EYS: variants seen among roughly 807,000 people sequenced by gnomAD.
EYS encodes the protein EGF-like photoreceptor maintenance factor.
In EYS, 250 loss-of-function variants were observed where a neutral mutation model predicts 282.1. That is an observed-to-expected ratio of 0.89 (90% CI 0.80 to 0.98). The LOEUF (loss-of-function observed/expected upper bound fraction) is 0.98, where lower values mean the gene tolerates loss of function less well. Among genes scored for constraint, EYS ranks in the 50% least tolerant of loss-of-function variants. The pLI is 0.00. For synonymous variants in EYS, 1,355 were observed against 1,282.9 expected (o/e 1.06, Z -1.20); for missense variants, 4,016 against 3,709.0 (o/e 1.08, Z -2.15).
At chr6:64,765,304 C>T (rs909391054) in intron 22 of EYS, among the ~76,000 whole-genome samples, 3 of 152,094 alleles carry the variant, frequency 2.0e-5, no homozygotes, top group Non-Finnish European at 4.4e-5. Context: ...CTGAGAACAC[C>T]TTAGTCTGGA....
rs185439743 is a variant in EYS at position 65,211,693 on chromosome 6, G to T, written c.2023+84170C>A. Among the ~76,000 whole-genome samples the T allele has an allele frequency of 1.6e-3, 240 of 151,966 alleles. 2 individuals carry two copies. Among genetic ancestry groups the T allele is most frequent in the African/African-American group, 5.3e-3 (220 of 41,486 alleles). On this transcript the variant is annotated intron_variant, in intron 12 of 42. Transcript: ENST00000503581. ...AGTATGACTTGTCCTTGTGAATTGT[G>T]TTCTGGTAAACAGAGTAGAGAGAAA...
intron 26 of EYS, among the ~76,000 whole-genome samples, chr6:64,455,269 G>T (rs1222908859): frequency 6.6e-6 from 1 of 151,892 alleles, no homozygotes; most frequent in African/African-American, 2.4e-5. Flanking sequence ...CCCTTCTTTT[G>T]TTTCTAATTC....
At chr6:65,523,964 T>C (rs1767466114) in intron 2 of EYS, among the ~76,000 whole-genome samples, 1 of 152,186 alleles carries the variant, frequency 6.6e-6, no homozygotes, top group Non-Finnish European at 1.5e-5. Flanking sequence ...CTCCGCCTCC[T>C]GGGTTCAAGT....
intron 12 of EYS, among the ~76,000 whole-genome samples, chr6:65,163,025 A>G (rs748245696): frequency 2.5e-4 from 38 of 150,982 alleles, no homozygotes; most frequent in Non-Finnish European, 4.9e-4. Flanking sequence ...TCCCTTCAGT[A>G]CTAAATTGCC....
At chr6:64,163,406 T>A (rs1431731624) in intron 31 of EYS, among the ~76,000 whole-genome samples, 1 of 152,104 alleles carries the variant, frequency 6.6e-6, no homozygotes, top group Non-Finnish European at 1.5e-5. Flanking sequence ...CAAGCTAAAA[T>A]GAAAGATGAA....
chr6:64,414,685 G>A (rs190091339), intron 28 of EYS, among the ~76,000 whole-genome samples: 190 of 152,288 alleles, frequency 1.2e-3, no homozygotes, highest in African/African-American at 4.4e-3. Flanking sequence ...AAAGCTCACT[G>A]TAGTATAATA....
At chr6:65,316,156 ATG>A (rs1769289963) in intron 11 of EYS, among the ~76,000 whole-genome samples, 1 of 152,100 alleles carries the variant, frequency 6.6e-6, no homozygotes, top group African/African-American at 2.4e-5. Context: ...TTTGTTAGTT[ATG>A]TGTGTTGCAA....
chr6:63,843,742 G>A (rs1772025490), intron 36 of EYS, among the ~76,000 whole-genome samples: 2 of 152,156 alleles, frequency 1.3e-5, no homozygotes, highest in African/African-American at 4.8e-5. Flanking sequence ...TGGAAGTTCT[G>A]GCAAGGGCAA....
At chr6:65,296,672 C>T (rs887618187) in intron 11 of EYS, among the ~76,000 whole-genome samples, 2 of 151,714 alleles carry the variant, frequency 1.3e-5, no homozygotes, top group African/African-American at 4.8e-5. Flanking sequence ...TATCTGTACT[C>T]TTGAATACAT....
rs376940919 is a variant in EYS at position 64,417,781 on chromosome 6, C to T, written c.5927+18393G>A. Among the ~76,000 whole-genome samples the T allele has an allele frequency of 7.5e-5, 11 of 145,798 alleles. No individual in the cohort carries two copies. The South Asian group carries it at 1.8e-3, about 24-fold the overall frequency. On this transcript the variant is annotated intron_variant, in intron 28 of 42. Coordinates refer to ENST00000503581, the MANE Select transcript of EYS (RefSeq NM_001142800.2). ...GGCCTCCTGGGTTCAAGAGATTCTT[C>T]TGCCTCAGCCTCCCAAGTAGCTGGC... is the stretch of plus-strand genomic sequence containing the variant.
At chr6:64,169,226 G>A (rs369559607) in intron 31 of EYS, among the ~76,000 whole-genome samples, 3 of 152,034 alleles carry the variant, frequency 2.0e-5, no homozygotes, top group African/African-American at 7.2e-5. Flanking sequence ...TCATCTAGTT[G>A]GTCAACTTAT....
chr6:64,555,080 G>T (rs188113427), intron 26 of EYS, among the ~76,000 whole-genome samples: 2 of 151,866 alleles, frequency 1.3e-5, no homozygotes, highest in Admixed American at 1.3e-4. Flanking sequence ...CATGTTTACT[G>T]CAACACTACT....
chr6:64,071,062 A>C (rs1771556471), intron 32 of EYS, among the ~76,000 whole-genome samples: 1 of 152,014 alleles, frequency 6.6e-6, no homozygotes, highest in South Asian at 2.1e-4. Context: ...CTTATTGCTC[A>C]ACATTAATTA....
chr6:64,961,452 CATAT>C (rs34407029), intron 14 of EYS, among the ~76,000 whole-genome samples: 3 of 149,254 alleles, frequency 2.0e-5, no homozygotes, highest in Admixed American at 6.7e-5. Flanking sequence ...TCCAATATAT[CATAT>C]ATATATATAT....
chr6:64,154,440 C>CAAAAAAAAA (rs397819570), intron 31 of EYS, among the ~76,000 whole-genome samples: 1 of 59,494 alleles, frequency 1.7e-5, no homozygotes, highest in Non-Finnish European at 3.6e-5. Flanking sequence ...AACTCCGTCT[C>CAAAAAAAAA]AAAAAAAAAA....
At chr6:64,123,406 T>G (rs1773656500) in intron 31 of EYS, among the ~76,000 whole-genome samples, 1 of 152,214 alleles carries the variant, frequency 6.6e-6, no homozygotes, top group African/African-American at 2.4e-5. Flanking sequence ...AGTTGACATA[T>G]TTTTGAAGAA....
At chr6:65,224,669 C>T (rs1383297481) in intron 12 of EYS, among the ~76,000 whole-genome samples, 1 of 151,884 alleles carries the variant, frequency 6.6e-6, no homozygotes. Context: ...AAAAAAACAG[C>T]AGGAGAGAAT....
chr6:64,377,992 T>G (rs964209734), intron 29 of EYS: 3 of 152,154 alleles, frequency 2.0e-5, no homozygotes, highest in Non-Finnish European at 4.4e-5. Flanking sequence ...TGTAATGAAC[T>G]TACAGCTGAC....
intron 23 of EYS, among the ~76,000 whole-genome samples, chr6:64,620,496 A>G (rs892841719): frequency 1.6e-4 from 25 of 152,218 alleles, no homozygotes; most frequent in African/African-American, 5.5e-4. Context: ...TCCAGTTTTG[A>G]AGGATTCTGG....
Sources: gnomAD v4.1 joint callset for allele counts (sites outside exome capture counted in the v4.1 genomes callset) on GRCh38, gnomAD v4.1.1 for gene constraint, MANE v1.5 for transcripts, NCBI Gene and HGNC (gene_info 2026-07-23, HGNC 2026-07-21) for gene names.